Variants in HOTAIR observed in about 807,000 individuals in gnomAD.
HOTAIR encodes HOX transcript antisense RNA.
chr12:53,970,266 C>A (rs1351763732), intron 1 of HOTAIR, among the ~76,000 whole-genome samples: 1 of 152,200 alleles, frequency 6.6e-6, no homozygotes, highest in Non-Finnish European at 1.5e-5. Context: ...CTGGAGCGGG[C>A]TTGACAAGGA....
At chr12:53,971,092 A>G (rs997305935) in intron 1 of HOTAIR, among the ~76,000 whole-genome samples, 1 of 152,160 alleles carries the variant, frequency 6.6e-6, no homozygotes, top group Non-Finnish European at 1.5e-5. Context: ...GCCATAGTCC[A>G]TAGTTCCCCA....
intron 1 of HOTAIR, chr12:53,968,878 C>G (rs930260662): frequency 1.3e-5 from 2 of 152,240 alleles, no homozygotes; most frequent in African/African-American, 4.8e-5. Context: ...CATGCCTTCC[C>G]ACCCCTCTCT....
rs1452987594 is a variant in HOTAIR at position 53,971,155 on chromosome 12, GAA to G, written n.60-2401_60-2400del. 2.3e-4 allele frequency among the ~76,000 whole-genome samples: 35 copies of G among 152,270 alleles called. 1 individual carries two copies. Among genetic ancestry groups the G allele is most frequent in the African/African-American group, 8.2e-4 (34 of 41,556 alleles). On this transcript the variant is annotated intron_variant and non_coding_transcript_variant, in intron 1 of 6. Transcript: ENST00000424518. ...TCTCACTCTATAAAAAGGGCTAGAG[GAA>G]AAAGGAAACACAGCAGATTTTTCTT... is the stretch of plus-strand genomic sequence containing the variant.
chr12:53,965,421 G>A (rs1157063055), intron 5 of HOTAIR, among the ~76,000 whole-genome samples: 1 of 152,254 alleles, frequency 6.6e-6, no homozygotes, highest in Non-Finnish European at 1.5e-5. Context: ...AGTGGGCACT[G>A]GTCCCAAAGT....
intron 1 of HOTAIR, among the ~76,000 whole-genome samples, chr12:53,972,641 G>T (rs1043982090): frequency 2.6e-5 from 4 of 152,202 alleles, no homozygotes; most frequent in Non-Finnish European, 5.9e-5. Context: ...TCAAACTCTT[G>T]TGAACAGGCG....
chr12:53,972,218 C>A (rs1366506393), intron 1 of HOTAIR, among the ~76,000 whole-genome samples: 2 of 152,200 alleles, frequency 1.3e-5, no homozygotes, highest in African/African-American at 4.8e-5. Flanking sequence ...GCCAAAGGGC[C>A]CTGACATAGA....
chr12:53,973,642 C>G lies in HOTAIR; in HGVS notation n.59+1256G>C. 1 of 1,613,824 alleles carries G rather than the reference C, an allele frequency of 6.2e-7. No homozygotes were observed. ...CACCCCAGCGCCCCGCACGCAACCC[C>G]CGCCGGCTTCTACTCCTCAGTCAAC... is the stretch of plus-strand genomic sequence containing the variant. On this transcript the variant is annotated intron_variant and non_coding_transcript_variant, in intron 1 of 6. Transcript: ENST00000424518. The surrounding 1 kb of genome is among the most constrained non-coding windows in gnomAD (Gnocchi z 4.3).
At chr12:53,966,618 A>G (rs1337115128) in intron 3 of HOTAIR, 1 of 152,274 alleles carries the variant, frequency 6.6e-6, no homozygotes, top group Non-Finnish European at 1.5e-5. Flanking sequence ...CCGGGCAGCT[A>G]GCAAAGAAAG....
intron 1 of HOTAIR, among the ~76,000 whole-genome samples, chr12:53,970,542 T>C (rs1939132556): frequency 6.6e-6 from 1 of 152,106 alleles, no homozygotes; most frequent in Non-Finnish European, 1.5e-5. Flanking sequence ...GTTGAAAAAC[T>C]AAGCCATATC....
chr12:53,972,166 C>A (rs1939159297), intron 1 of HOTAIR, among the ~76,000 whole-genome samples: 1 of 152,374 alleles, frequency 6.6e-6, no homozygotes, highest in Non-Finnish European at 1.5e-5. Context: ...GACCCCTACA[C>A]TAGGCTTCTT....
In HOTAIR at chr12:53,973,296, G is replaced by C; in HGVS notation, n.59+1602C>G. 1.9e-6 allele frequency: 3 copies of C among 1,613,852 alleles called. No individual in the cohort carries two copies. The highest frequency in any genetic ancestry group is 2.5e-6 in the Non-Finnish European group (3 of 1,179,992). On this transcript the variant is annotated intron_variant and non_coding_transcript_variant, in intron 1 of 6. Transcript: ENST00000424518. The surrounding 1 kb of genome is among the most constrained non-coding windows in gnomAD (Gnocchi z 4.3). ...CTGCTCTCCGTCGCGCAAGGAGAGGGGCGCAGATTTCGGCGAGCGAGGGAG... is the reference window on the plus strand; with the variant it reads ...CTGCTCTCCGTCGCGCAAGGAGAGGCGCGCAGATTTCGGCGAGCGAGGGAG...
At chr12:53,962,710 T>C (rs1938974509) in exon 7 of HOTAIR, 1 of 152,216 alleles carries the variant, frequency 6.6e-6, no homozygotes, top group Non-Finnish European at 1.5e-5. Context: ...CTGATTTTTT[T>C]TCTGTTCTTC....
At chr12:53,963,106 A>C (rs1007104829) in exon 7 of HOTAIR, 19 of 152,200 alleles carry the variant, frequency 1.2e-4, no homozygotes, top group African/African-American at 4.6e-4. Flanking sequence ...CACTTTTAAA[A>C]ATTTGTTTTT....
chr12:53,970,713 G>A (rs1939134954), intron 1 of HOTAIR, among the ~76,000 whole-genome samples: 1 of 152,232 alleles, frequency 6.6e-6, no homozygotes. Flanking sequence ...GCCGCCAGCA[G>A]CTCCTTGTTG....
chr12:53,974,760 G>A (rs760234533), intron 1 of HOTAIR: 11 of 158,554 alleles, frequency 6.9e-5, no homozygotes, highest in Admixed American at 3.2e-4. Context: ...AGATTTCACT[G>A]CTTCGCGCCT....
At chr12:53,966,680 G>A (rs1272000242) in intron 3 of HOTAIR, 2 of 152,448 alleles carry the variant, frequency 1.3e-5, no homozygotes, top group East Asian at 3.9e-4. Context: ...CCAGTGCGGG[G>A]GCAGCGATCC....
rs200921214 is a variant in HOTAIR, at chr12:53,973,235, G to C, written n.59+1663C>G. ...CCTCCATCCGGAGCCGGCAGGAGAG[G>C]AGAACGATGTTTAACTCGGTCAACC... On this transcript the variant is annotated intron_variant and non_coding_transcript_variant, in intron 1 of 6. Coordinates refer to ENST00000424518, the Ensembl canonical transcript of HOTAIR. This position sits in a 1 kb window ranked among gnomAD's most constrained non-coding sequence, Gnocchi z 4.3. 3,070 of 1,564,890 alleles carry C rather than the reference G, an allele frequency of 2.0e-3. 4 individuals carry two copies. The highest frequency in any genetic ancestry group is 2.2e-3 in the Non-Finnish European group (2,603 of 1,158,540).
intron 5 of HOTAIR, chr12:53,965,832 A>T (rs535312749): frequency 5.3e-5 from 8 of 152,260 alleles, no homozygotes; most frequent in Non-Finnish European, 5.9e-5. Context: ...AGAGAGAAGG[A>T]TCGAAAGATA....
chr12:53,968,738 A>C (rs1212780552), exon 2 of HOTAIR: 1 of 152,424 alleles, frequency 6.6e-6, no homozygotes. Flanking sequence ...ATGTGCAGGC[A>C]GAAGGCAGGG....
Sources: allele counts gnomAD v4.1 joint callset (sites outside exome capture counted in the v4.1 genomes callset), GRCh38; gene constraint gnomAD v4.1.1; non-coding constraint Gnocchi (gnomAD v3.1); transcripts MANE v1.5; gene names NCBI Gene and HGNC (gene_info 2026-07-23, HGNC 2026-07-21).